MERTK: variants seen among roughly 807,000 people sequenced by gnomAD.
The protein encoded by MERTK is MER proto-oncogene, tyrosine kinase.
MERTK carries 69 observed loss-of-function variants against 99.3 expected under a neutral mutation model. The ratio of observed to expected loss-of-function variants is 0.70; its 90% confidence interval spans 0.57 to 0.85. The LOEUF (loss-of-function observed/expected upper bound fraction) is 0.85. Among genes scored for constraint, MERTK ranks in the 40% least tolerant of loss-of-function variants. The pLI is 0.00. For missense variants in MERTK, 1,125 were observed against 1,249.4 expected, an observed-to-expected ratio of 0.90 and a Z score of 1.50; for synonymous variants, 426 against 467.6, an observed-to-expected ratio of 0.91 and a Z score of 1.15.
At chr2:111,958,373 C>T (rs1685186915) in intron 4 of MERTK, among the ~76,000 whole-genome samples, 1 of 152,204 alleles carries the variant, frequency 6.6e-6, no homozygotes, top group Non-Finnish European at 1.5e-5. Flanking sequence ...ATGGTCAATC[C>T]AGGCTTATAA....
chr2:111,961,817 A>G (rs904994426), intron 4 of MERTK, among the ~76,000 whole-genome samples: 3 of 152,216 alleles, frequency 2.0e-5, no homozygotes, highest in African/African-American at 7.2e-5. Flanking sequence ...CATTTTTTCT[A>G]CAGCGTCTCT....
chr2:111,999,171 C>T (rs1676817763), intron 10 of MERTK, among the ~76,000 whole-genome samples: 1 of 152,050 alleles, frequency 6.6e-6, no homozygotes, highest in African/African-American at 2.4e-5. Flanking sequence ...TTAAAATAAT[C>T]TATGTACCTA....
At chr2:112,021,644 T>A (rs1677353208) in intron 17 of MERTK, 63 bp downstream of exon 17, 1 of 1,461,052 alleles carries the variant, frequency 6.8e-7, no homozygotes, top group Non-Finnish European at 9.6e-7. Flanking sequence ...TTGAAAGAAA[T>A]GACCTCAGCT....
intron 4 of MERTK, among the ~76,000 whole-genome samples, 170 bp downstream of exon 4, chr2:111,947,737 T>A (rs753559232): frequency 5.3e-5 from 8 of 152,068 alleles, no homozygotes; most frequent in Non-Finnish European, 1.2e-4. Flanking sequence ...GAATCACAGG[T>A]GTGAGAATTC....
rs117071001 is a variant in MERTK, at chr2:111,957,400, C to G, written c.758-7791C>G. 8.2e-3 allele frequency among the ~76,000 whole-genome samples: 1,247 copies of G among 152,204 alleles called. 42 individuals are homozygous for G. The highest frequency in any genetic ancestry group is 0.057 in the East Asian group (294 of 5,164). ...ACCTCCCCAGGCCCCCGAGTATCAACTTGGCCCATTTCCTCACTCCTACTC... is the reference window on the plus strand; with the variant it reads ...ACCTCCCCAGGCCCCCGAGTATCAAGTTGGCCCATTTCCTCACTCCTACTC... On this transcript the variant is annotated intron_variant, in intron 4 of 18. Transcript: ENST00000295408.
In MERTK at chr2:112,028,332, ACTT is replaced by A. The variant is rs1268312145; in HGVS notation, c.2487-15_2487-13del. 2 of 1,613,316 alleles carry A rather than the reference ACTT, an allele frequency of 1.2e-6. No homozygotes were observed. The highest frequency in any genetic ancestry group is 1.7e-6 in the Non-Finnish European group (2 of 1,179,260). Reference sequence around the variant, plus strand: ...TGGGTGCCATGCTGGGAGACAATCCACTTCTTTTTAACTTTCAGGTATGAAATA... The same window carrying A: ...TGGGTGCCATGCTGGGAGACAATCCACTTTTTAACTTTCAGGTATGAAATA... On this transcript the variant is annotated splice_polypyrimidine_tract_variant and intron_variant, in intron 18 of 18. Coordinates refer to ENST00000295408, the MANE Select transcript of MERTK (RefSeq NM_006343.3).
chr2:112,026,199 C>T (rs929684442), intron 18 of MERTK: 2 of 154,274 alleles, frequency 1.3e-5, no homozygotes, highest in African/African-American at 2.4e-5. Flanking sequence ...GTAGGTTAGA[C>T]AGTATACATG....
chr2:111,924,448 A>G (rs1684518237), intron 1 of MERTK, among the ~76,000 whole-genome samples: 1 of 152,106 alleles, frequency 6.6e-6, no homozygotes, highest in South Asian at 2.1e-4. Context: ...GGTAGTGAGG[A>G]TGCTGTTGCT....
chr2:111,934,992 C>T (rs577289460), intron 2 of MERTK, among the ~76,000 whole-genome samples: 2 of 152,200 alleles, frequency 1.3e-5, no homozygotes, highest in South Asian at 4.2e-4. Flanking sequence ...GCTCTTACAC[C>T]CTCTTTCCCG....
At position 111,983,005 on chromosome 2, in the gene MERTK, C is replaced by T. The variant is rs1433303835; in HGVS notation, c.1296+12C>T. On this transcript the variant is annotated intron_variant, in intron 8 of 18. Coordinates refer to ENST00000295408, the MANE Select transcript of MERTK (RefSeq NM_006343.3). Reference sequence around the variant, plus strand: ...GTGCAGGGATTTCCGTAAGTCTAAACCCTAGAAGAGCACGATTAGTCATCT... The same window carrying T: ...GTGCAGGGATTTCCGTAAGTCTAAATCCTAGAAGAGCACGATTAGTCATCT... 3.7e-6 allele frequency: 6 copies of T among 1,606,546 alleles called. No individual in the cohort carries two copies. Among genetic ancestry groups the T allele is most frequent in the South Asian group, 2.2e-5 (2 of 90,594 alleles).
intron 18 of MERTK, among the ~76,000 whole-genome samples, chr2:112,023,268 G>T (rs1436861781): frequency 6.6e-6 from 1 of 152,070 alleles, no homozygotes; most frequent in Admixed American, 6.6e-5. Context: ...CAAAAAATTA[G>T]CCGGGTGTGG....
chr2:112,001,359 T>A, intron 11 of MERTK, 73 bp downstream of exon 11: 2 of 1,232,486 alleles, frequency 1.6e-6, no homozygotes, highest in Non-Finnish European at 2.4e-6. Flanking sequence ...AATAGACAGA[T>A]TTCTAACAAA....
intron 15 of MERTK, among the ~76,000 whole-genome samples, chr2:112,018,310 T>C (rs1001697375): frequency 1.3e-5 from 2 of 152,188 alleles, no homozygotes; most frequent in African/African-American, 4.8e-5. Flanking sequence ...CTGATACTCA[T>C]TACATCTTCA....
intron 1 of MERTK, among the ~76,000 whole-genome samples, chr2:111,901,575 TG>T (rs1349716374): frequency 1.0e-4 from 15 of 150,346 alleles, no homozygotes; most frequent in Non-Finnish European, 2.2e-4. Context: ...TTTTTTTTTT[TG>T]GCAGGTTCTC....
At chr2:111,987,531 G>T (rs1278647286) in intron 8 of MERTK, among the ~76,000 whole-genome samples, 1 of 152,124 alleles carries the variant, frequency 6.6e-6, no homozygotes, top group African/African-American at 2.4e-5. Flanking sequence ...GGCATTTGTG[G>T]CACTATGGAT....
chr2:112,028,285 A>T, intron 18 of MERTK, 66 bp from the exon 19 acceptor site: 1 of 1,490,776 alleles, frequency 6.7e-7, no homozygotes, highest in Non-Finnish European at 9.4e-7. Context: ...GTAAAAACAA[A>T]GGCATGGATT....
At chr2:111,950,010 T>C (rs1031479984) in intron 4 of MERTK, among the ~76,000 whole-genome samples, 20 of 152,178 alleles carry the variant, frequency 1.3e-4, no homozygotes, top group Non-Finnish European at 2.4e-4. Flanking sequence ...CAATCTTGGC[T>C]TACTGCAAGC....
intron 4 of MERTK, among the ~76,000 whole-genome samples, chr2:111,953,149 C>G (rs1318721928): frequency 6.6e-6 from 1 of 152,134 alleles, no homozygotes; most frequent in Non-Finnish European, 1.5e-5. Context: ...GATGAATTCA[C>G]TCTCCATCAG....
intron 4 of MERTK, among the ~76,000 whole-genome samples, chr2:111,960,879 A>G (rs556595346): frequency 2.0e-5 from 3 of 151,956 alleles, no homozygotes; most frequent in South Asian, 4.2e-4. Context: ...GCAAACTTCA[A>G]AATGTGTCAG....
Sources: gnomAD v4.1 joint callset for allele counts (sites outside exome capture counted in the v4.1 genomes callset) on GRCh38, gnomAD v4.1.1 for gene constraint, MANE v1.5 for transcripts, NCBI Gene and HGNC (gene_info 2026-07-23, HGNC 2026-07-21) for gene names.